Variants in GMCL1 observed in about 807,000 individuals in gnomAD.
GMCL1 encodes germ cell-less protein-like 1.
In GMCL1, 54 loss-of-function variants were observed where a neutral mutation model predicts 75.5. The observed-to-expected ratio is 0.71, with a 90% CI of 0.57 to 0.90. The LOEUF (loss-of-function observed/expected upper bound fraction) is 0.90. Ranked by LOEUF, GMCL1 falls within the 40% of genes least tolerant of loss-of-function variation. The pLI, the probability that GMCL1 is intolerant of heterozygous loss-of-function variation, is 0.00. For synonymous variants in GMCL1, 210 were observed against 209.6 expected (o/e 1.00, Z -0.02); for missense variants, 537 against 622.7 (o/e 0.86, Z 1.47).
At chr2:69,865,035 C>T in intron 11 of GMCL1, 60 bp downstream of exon 11, 1 of 1,227,996 alleles carries the variant, frequency 8.1e-7, no homozygotes, top group Non-Finnish European at 1.2e-6. Flanking sequence ...GCACATCCTG[C>T]ACCTGTAAGT....
chr2:69,843,352 A>C, intron 5 of GMCL1, 91 bp downstream of exon 5: 1 of 644,794 alleles, frequency 1.6e-6, no homozygotes, highest in South Asian at 2.0e-5. Context: ...ATAAGAAAGA[A>C]AGAATTAAGG....
chr2:69,843,141 A>G lies in GMCL1; in HGVS notation c.580-8A>G. On this transcript the variant is annotated splice_region_variant and splice_polypyrimidine_tract_variant and intron_variant, in intron 4 of 13. Coordinates refer to ENST00000282570, the MANE Select transcript of GMCL1 (RefSeq NM_178439.5). ...ATGGGCCTTTCCAGTGCTTATTTAT[A>G]TTTACAGGACGGTTTAATACAGCAG... is the stretch of plus-strand genomic sequence containing the variant. The G allele has an allele frequency of 1.9e-6, 3 of 1,557,488 alleles. No homozygotes were observed. Among genetic ancestry groups the G allele is most frequent in the Admixed American group, 1.7e-5 (1 of 58,632 alleles).
chr2:69,836,745 ATT>A (rs1258483286), intron 1 of GMCL1, among the ~76,000 whole-genome samples: 2 of 152,146 alleles, frequency 1.3e-5, no homozygotes. Flanking sequence ...TTGAGCAATG[ATT>A]TTCAAACTTT....
At chr2:69,862,833 A>G (rs1573365686) in intron 10 of GMCL1, among the ~76,000 whole-genome samples, 1 of 152,198 alleles carries the variant, frequency 6.6e-6, no homozygotes, top group African/African-American at 2.4e-5. Context: ...GGAATTGAGA[A>G]CTGAAGCATT....
rs1252384886 is a variant in GMCL1, at chr2:69,879,144, G to T, written c.*140G>T. ...TCGAAGGTGACTAACAATGACAAAG[G>T]CCTTATGAACTGTACAGACAATACA... is the stretch of plus-strand genomic sequence containing the variant. On this transcript the variant is annotated 3_prime_UTR_variant, in exon 14 of 14. Coordinates refer to ENST00000282570, the MANE Select transcript of GMCL1 (RefSeq NM_178439.5). 4 of 618,340 alleles carry T rather than the reference G, an allele frequency of 6.5e-6. No individual in the cohort carries two copies. The allele number at this position is 618,340 out of a possible 1,614,324, so 38.3% of individuals were successfully genotyped here. A position where few individuals can be genotyped will look rare whatever the true frequency, so the allele number is the denominator to read the frequency against.
chr2:69,876,000 A>G (rs1484344290), intron 13 of GMCL1, among the ~76,000 whole-genome samples: 4 of 152,094 alleles, frequency 2.6e-5, no homozygotes, highest in Non-Finnish European at 5.9e-5. Context: ...AGTATTTTAC[A>G]TTTCAGTTGC....
At chr2:69,869,004 G>A (rs1365041684) in intron 11 of GMCL1, among the ~76,000 whole-genome samples, 4 of 151,546 alleles carry the variant, frequency 2.6e-5, no homozygotes, top group Non-Finnish European at 4.4e-5. Flanking sequence ...TGTAGTCCCA[G>A]CACTTTGGGA....
chr2:69,865,028 C>T, intron 11 of GMCL1, 53 bp downstream of exon 11: 2 of 1,282,502 alleles, frequency 1.6e-6, no homozygotes, highest in Non-Finnish European at 2.3e-6. Context: ...ATTATCAGCA[C>T]ATCCTGCACC....
chr2:69,853,747 CT>C (rs1675385162), intron 8 of GMCL1, among the ~76,000 whole-genome samples: 1 of 147,634 alleles, frequency 6.8e-6, no homozygotes, highest in Non-Finnish European at 1.5e-5. Flanking sequence ...TAGGAATAAC[CT>C]TAAATTCTCC....
Position 69,861,273 on chromosome 2 carries a change from T to C in GMCL1, c.1073-5T>C. ...TATTATTATTAATTTATTCTTACAT[T>C]TCAGAATGGCTCTCTTCTGTGTATA... On this transcript the variant is annotated splice_polypyrimidine_tract_variant and splice_region_variant and intron_variant, in intron 9 of 13. Coordinates refer to ENST00000282570, the MANE Select transcript of GMCL1 (RefSeq NM_178439.5). 6.3e-7 allele frequency: 1 copy of C among 1,585,832 alleles called. No individual in the cohort carries two copies. The highest frequency in any genetic ancestry group is 8.6e-7 in the Non-Finnish European group (1 of 1,158,584).
At chr2:69,874,617 A>G (rs1398335529) in intron 13 of GMCL1, among the ~76,000 whole-genome samples, 1 of 151,968 alleles carries the variant, frequency 6.6e-6, no homozygotes, top group African/African-American at 2.4e-5. Context: ...TGAACGTATC[A>G]TCTCATGTAA....
chr2:69,875,290 T>G (rs527742954), intron 13 of GMCL1, among the ~76,000 whole-genome samples: 1 of 152,354 alleles, frequency 6.6e-6, no homozygotes, highest in East Asian at 1.9e-4. Flanking sequence ...GAAATACTTA[T>G]AAACTTGCTT....
At chr2:69,846,141 C>T (rs1467522637) in intron 6 of GMCL1, among the ~76,000 whole-genome samples, 2 of 151,742 alleles carry the variant, frequency 1.3e-5, no homozygotes, top group East Asian at 1.9e-4. Context: ...TTTGCCTTTA[C>T]GAGATAATTT....
rs184698124 is a variant in GMCL1, at chr2:69,869,988, G to A, written c.1364+124G>A. The stretch of plus-strand genomic sequence containing the variant: ...AGCTACAGTATATGTGGAAGTGGTA[G>A]GAAATGACGAGGCTCCATTCCTGTG... On this transcript the variant is annotated intron_variant, in intron 12 of 13. Coordinates refer to ENST00000282570, the MANE Select transcript of GMCL1 (RefSeq NM_178439.5). 4,310 of 892,840 alleles carry A rather than the reference G, an allele frequency of 4.8e-3. 16 individuals carry two copies. Among genetic ancestry groups the A allele is most frequent in the Non-Finnish European group, 5.8e-3 (3,591 of 619,638 alleles). 55.3% of individuals were successfully genotyped at this position (892,840 alleles called of 1,614,324 possible).
At chr2:69,873,328 T>G (rs1421597915) in intron 13 of GMCL1, among the ~76,000 whole-genome samples, 1 of 152,208 alleles carries the variant, frequency 6.6e-6, no homozygotes, top group Non-Finnish European at 1.5e-5. Context: ...GGAGATTTAC[T>G]TTGGGAGTTG....
Position 69,869,841 on chromosome 2 carries a change from G to A in GMCL1, c.1341G>A (p.Gln447=), listed in dbSNP as rs1420631336. The stretch of plus-strand genomic sequence containing the variant: ...CATGTAGCGGATCTGTCAGTTTACA[G>A]CCTCGAAGGAGCATAGCATTTAGGT... The part of the protein sequence containing the change: ...NQPCSGSVSL[Q]PRRSIAFRLR... The change falls in exon 12 of 14, where the codon CAG becomes CAA. Residue 447 remains glutamine (Q), a synonymous_variant. Transcript: ENST00000282570. 2 of 1,613,802 alleles carry A rather than the reference G, an allele frequency of 1.2e-6. No individual in the cohort carries two copies. Among genetic ancestry groups the A allele is most frequent in the Non-Finnish European group, 1.7e-6 (2 of 1,179,922 alleles).
At chr2:69,834,292 A>G (rs537178045) in intron 1 of GMCL1, among the ~76,000 whole-genome samples, 15 of 152,232 alleles carry the variant, frequency 9.9e-5, no homozygotes, top group East Asian at 1.9e-4. Context: ...TCCTGTTCCA[A>G]TCTGGATTTG....
intron 12 of GMCL1, among the ~76,000 whole-genome samples, chr2:69,870,677 C>T (rs1268754086): frequency 2.6e-5 from 4 of 152,112 alleles, no homozygotes; most frequent in East Asian, 1.9e-4. Flanking sequence ...AAAGAAAACT[C>T]AACTCAGCTC....
chr2:69,866,505 G>A (rs1309755089), intron 11 of GMCL1, among the ~76,000 whole-genome samples: 1 of 152,154 alleles, frequency 6.6e-6, no homozygotes, highest in Non-Finnish European at 1.5e-5. Flanking sequence ...GTCTCACTGT[G>A]TCGCCCAGGT....
Sources: allele counts gnomAD v4.1 joint callset (sites outside exome capture counted in the v4.1 genomes callset), GRCh38; gene constraint gnomAD v4.1.1; transcripts MANE v1.5; gene names NCBI Gene and HGNC (gene_info 2026-07-23, HGNC 2026-07-21).